Variants in GARS1 observed in about 807,000 individuals in gnomAD.
GARS1 encodes glycine--tRNA ligase.
A neutral mutation model predicts 86.4 loss-of-function variants in GARS1; 46 were observed. The observed-to-expected ratio is 0.53, with a 90% CI of 0.42 to 0.68. The LOEUF is 0.68. GARS1 is among the 30% of genes least tolerant of loss of function. The probability of loss-of-function intolerance (pLI) is 0.00; values close to 1 mark genes in which losing one functional copy is unlikely to be tolerated. For synonymous variants in GARS1, 342 were observed against 329.8 expected, an observed-to-expected ratio of 1.04 and a Z score of -0.40; for missense variants, 797 against 915.6, an observed-to-expected ratio of 0.87 and a Z score of 1.67.
At chr7:30,631,671 T>C in intron 15 of GARS1, 130 bp downstream of exon 15, 1 of 711,036 alleles carries the variant, frequency 1.4e-6, no homozygotes, top group Middle Eastern at 3.5e-4. Flanking sequence ...AAAGAGTACA[T>C]GATTTTAGCC....
chr7:30,632,713 A>AC lies in GARS1; in HGVS notation c.2094+276_2094+277insC, dbSNP rs151154671. 0.016 allele frequency among the ~76,000 whole-genome samples: 2,453 copies of AC among 152,298 alleles called. 56 individuals are homozygous for AC. The highest frequency in any genetic ancestry group is 0.056 in the African/African-American group (2,341 of 41,540). On this transcript the variant is annotated intron_variant, in intron 16 of 16. Coordinates refer to ENST00000389266, the MANE Select transcript of GARS1 (RefSeq NM_002047.4). The surrounding 1 kb of genome is among the most constrained non-coding windows in gnomAD (Gnocchi z 4.1). The stretch of plus-strand genomic sequence containing the variant: ...TATACTTGTTTGTTTATTGGGCAAG[A>AC]GAAATATGATCCTAAGAATTTGTTG...
At chr7:30,628,377 G>T (rs976117275) in intron 13 of GARS1, 183 bp from the exon 14 acceptor site, 1 of 478,732 alleles carries the variant, frequency 2.1e-6, no homozygotes, top group South Asian at 1.7e-5. Flanking sequence ...TAGAGACGGG[G>T]TTTCACCATG....
Position 30,617,162 on chromosome 7 carries a change from C to CTAG in GARS1, c.1244_1245insAGT (p.Leu415_Tyr416insVal). The CTAG allele has an allele frequency of 6.2e-7, 1 of 1,614,070 alleles. No homozygotes were observed. Among genetic ancestry groups the CTAG allele is most frequent in the Non-Finnish European group, 8.5e-7 (1 of 1,179,938 alleles). ...AGGCTATTTCATTGGCCGCATCTACCTCTACCTCACGAAGGTTGGAATATC... is the reference window on the plus strand; with the variant it reads ...AGGCTATTTCATTGGCCGCATCTACCTAGTCTACCTCACGAAGGTTGGAATATC... On this transcript the variant is annotated inframe_insertion, in exon 10 of 17. Transcript: ENST00000389266.
chr7:30,603,090 G>A lies in GARS1; in HGVS notation c.626G>A (p.Gly209Glu). The change falls in exon 5 of 17, where the codon GGA becomes GAA. Residue 209 changes from glycine (G) to glutamate (E), a missense_variant. Around this residue, in one of 2 missense-constraint regions of GARS1, gnomAD observed 598 missense variants for 738.7 expected, o/e 0.81. Transcript: ENST00000389266. ...TTCATGGTGAAAGACGTAAAAAATG[G>A]AGAATGTTTTCGTGCTGACCATCTA... Reference protein sequence around the residue: ...ADFMVKDVKNGECFRADHLLK... With the variant: ...ADFMVKDVKNEECFRADHLLK... 2 of 1,613,874 alleles carry A rather than the reference G, an allele frequency of 1.2e-6. No homozygotes were observed. Among genetic ancestry groups the A allele is most frequent in the Non-Finnish European group, 1.7e-6 (2 of 1,179,866 alleles).
At position 30,601,141 on chromosome 7, in the gene GARS1, C is replaced by T; in HGVS notation, c.510C>T (p.Ile170=). The T allele has an allele frequency of 1.2e-6, 2 of 1,614,084 alleles. No homozygotes were observed. Among genetic ancestry groups the T allele is most frequent in the South Asian group, 2.2e-5 (2 of 91,076 alleles). The change falls in exon 4 of 17, where the codon ATC becomes ATT. Residue 170 remains isoleucine (I), a synonymous_variant. Transcript: ENST00000389266. ...NIIQTWRQHF[I]QEEQILEIDC... The stretch of plus-strand genomic sequence containing the variant: ...TTCAGACCTGGAGGCAGCACTTTAT[C>T]CAAGAGGAACAGATCCTGGAGATCG...
chr7:30,628,790 C>T, intron 14 of GARS1, 121 bp downstream of exon 14: 1 of 631,152 alleles, frequency 1.6e-6, no homozygotes, highest in Admixed American at 2.4e-5. Context: ...TAATCTAGTG[C>T]TATTAACACT....
rs775001026 is a variant in GARS1 at position 30,595,138 on chromosome 7, C to G, written c.217C>G (p.Gln73Glu). Residue 73 changes from glutamine to glutamate, a missense_variant, in exon 1 of 17, where the codon CAG becomes GAG. By Grantham distance (29) the Gln-to-Glu change is conservative (BLOSUM62 2). Transcript: ENST00000389266. ...GGCACCTCTGAGGCTAGCAGTGCGC[C>G]AGCAGGTACCGGTGTTTTGCGCTCT... ...VLAPLRLAVR[Q>E]QGDLVRKLKE... 1.3e-6 allele frequency: 2 copies of G among 1,537,378 alleles called. No homozygotes were observed. The highest frequency in any genetic ancestry group is 2.4e-5 in the South Asian group (2 of 84,114).
At chr7:30,600,347 C>G (rs1791347665) in intron 3 of GARS1, among the ~76,000 whole-genome samples, 1 of 152,176 alleles carries the variant, frequency 6.6e-6, no homozygotes, top group African/African-American at 2.4e-5. Context: ...GCAATGGAGA[C>G]TGAAGAGTAA....
chr7:30,600,260 G>T (rs982047492), intron 3 of GARS1, among the ~76,000 whole-genome samples: 8 of 152,130 alleles, frequency 5.3e-5, no homozygotes, highest in Non-Finnish European at 1.0e-4. Flanking sequence ...CACTTTTTTT[G>T]ATTAGGATGT....
chr7:30,614,882 A>AAG (rs1383847445), intron 8 of GARS1, among the ~76,000 whole-genome samples: 1 of 152,104 alleles, frequency 6.6e-6, no homozygotes, highest in African/African-American at 2.4e-5. Flanking sequence ...AAAAAAAAAA[A>AAG]AAAAAAAATT....
chr7:30,628,161 G>A (rs571614992), intron 13 of GARS1, among the ~76,000 whole-genome samples: 1 of 151,658 alleles, frequency 6.6e-6, no homozygotes, highest in South Asian at 2.1e-4. Flanking sequence ...GATATTTTTA[G>A]TGCTAAGAAT....
Position 30,626,325 on chromosome 7 carries a change from T to A in GARS1, c.1699+6T>A, listed in dbSNP as rs1362621582. ...ATTCCAGAAAACACTATATGGTAAA[T>A]TTGTAAAAATAATAAACAAAAAGTC... On this transcript the variant is annotated splice_donor_region_variant and intron_variant, in intron 13 of 16. Coordinates refer to ENST00000389266, the MANE Select transcript of GARS1 (RefSeq NM_002047.4). The A allele has an allele frequency of 2.7e-6, 4 of 1,509,136 alleles. 1 individual carries two copies. The highest frequency in any genetic ancestry group is 3.5e-4 in the Middle Eastern group (2 of 5,742). The allele number at this position is 1,509,136 out of a possible 1,614,324, so 93.5% of individuals were successfully genotyped here.
chr7:30,628,456 A>T, intron 13 of GARS1, 104 bp from the exon 14 acceptor site: 2 of 823,156 alleles, frequency 2.4e-6, no homozygotes, highest in Non-Finnish European at 4.1e-6. Flanking sequence ...AAATGCTGGG[A>T]TTACAGGTGT....
At chr7:30,615,834 T>TTTTG (rs532530168) in intron 8 of GARS1, 62 bp from the exon 9 acceptor site, 3 of 1,574,146 alleles carry the variant, frequency 1.9e-6, no homozygotes, top group Non-Finnish European at 2.6e-6. Context: ...AGGCCTTGTT[T>TTTTG]TTTGTTTGTT....
rs1791218512 is a variant in GARS1 at position 30,595,135 on chromosome 7, C to T, written c.214C>T (p.Arg72Cys). Residue 72 changes from arginine (R) to cysteine (C), a missense_variant, in exon 1 of 17, where the codon CGC becomes TGC. By Grantham distance (180) the Arg-to-Cys change is radical (BLOSUM62 -3). This residue lies in a region of GARS1 where 199 missense variants were observed against 176.9 expected (regional missense o/e 1.12). Transcript: ENST00000389266. ...EVLAPLRLAV[R>C]QQGDLVRKLK... is the part of the protein sequence containing the mutation. ...GCTGGCACCTCTGAGGCTAGCAGTGCGCCAGCAGGTACCGGTGTTTTGCGC... is the reference window on the plus strand; with the variant it reads ...GCTGGCACCTCTGAGGCTAGCAGTGTGCCAGCAGGTACCGGTGTTTTGCGC... 1 of 1,537,742 alleles carries T rather than the reference C, an allele frequency of 6.5e-7. No homozygotes were observed. The highest frequency in any genetic ancestry group is 8.7e-7 in the Non-Finnish European group (1 of 1,147,216).
At chr7:30,605,988 CT>C (rs1399417418) in intron 6 of GARS1, among the ~76,000 whole-genome samples, 7 of 152,104 alleles carry the variant, frequency 4.6e-5, no homozygotes, top group African/African-American at 1.4e-4. Context: ...CCTTCATTCC[CT>C]TTTCCCTCCC....
At chr7:30,597,262 G>A (rs1791271914) in intron 1 of GARS1, among the ~76,000 whole-genome samples, 1 of 152,106 alleles carries the variant, frequency 6.6e-6, no homozygotes, top group Admixed American at 6.6e-5. Context: ...TATGAAATCA[G>A]GTATTGGTGA....
chr7:30,625,747 T>G (rs1263537797), intron 12 of GARS1, among the ~76,000 whole-genome samples: 2 of 152,224 alleles, frequency 1.3e-5, no homozygotes, highest in Non-Finnish European at 1.5e-5. Context: ...CTGATCTTCA[T>G]CAACACAAAT....
intron 1 of GARS1, 59 bp downstream of exon 1, chr7:30,595,202 G>C (rs1416390777): frequency 6.4e-6 from 9 of 1,409,244 alleles, no homozygotes; most frequent in East Asian, 5.0e-5. Context: ...GCCTTCTTCT[G>C]GTCATCCTTC....
Sources: gnomAD v4.1 joint callset for allele counts (sites outside exome capture counted in the v4.1 genomes callset) on GRCh38, gnomAD v4.1.1 for gene constraint, gnomAD v4.1.1 regional missense constraint, Gnocchi (gnomAD v3.1) non-coding constraint, MANE v1.5 for transcripts, NCBI Gene and HGNC (gene_info 2026-07-23, HGNC 2026-07-21) for gene names.